DDHD2: variants seen among roughly 807,000 people sequenced by gnomAD.
DDHD2 encodes the protein triacylglycerol hydrolase DDHD2.
In DDHD2, 62 loss-of-function variants were observed where a neutral mutation model predicts 91.2. The observed-to-expected ratio is 0.68, with a 90% CI of 0.55 to 0.84. The LOEUF is 0.84. Among genes scored for constraint, DDHD2 ranks in the 40% least tolerant of loss-of-function variants. DDHD2 has a pLI of 0.00. For synonymous variants in DDHD2, 271 were observed against 293.9 expected (o/e 0.92, Z 0.80); for missense variants, 740 against 846.9 (o/e 0.87, Z 1.57).
Position 38,268,623 on chromosome 8 carries a change from C to G in DDHD2, n.88-2499C>G, listed in dbSNP as rs1203771371. 3.5e-6 allele frequency: 5 copies of G among 1,440,874 alleles called. No individual in the cohort carries two copies. The Admixed American group carries it at 8.3e-5, about 24-fold the overall frequency. The allele number at this position is 1,440,874 out of a possible 1,614,324, so 89.3% of individuals were successfully genotyped here. ...GCAGCGCCACCAGTGAACAGCAGCGCCCGTGCGGCTCGGGCCCCGGTACCT... is the reference window on the plus strand; with the variant it reads ...GCAGCGCCACCAGTGAACAGCAGCGGCCGTGCGGCTCGGGCCCCGGTACCT... On this transcript the variant is annotated intron_variant and non_coding_transcript_variant, in intron 1 of 1. Transcript: ENST00000526071.
intron 11 of DDHD2, 21 bp from the exon 12 acceptor site, chr8:38,251,891 T>A: frequency 1.3e-6 from 2 of 1,581,032 alleles, no homozygotes; most frequent in Non-Finnish European, 1.7e-6. Flanking sequence ...CTTCTCCACA[T>A]AACTATTTTT....
chr8:38,267,171 CAA>C (rs1807750195), downstream of DDHD2: 2 of 1,604,254 alleles, frequency 1.2e-6, no homozygotes, highest in Middle Eastern at 1.9e-4. Context: ...ATTGTAGAAA[CAA>C]GAGTAGTCAG....
chr8:38,232,334 C>T (rs1019397677), intron 1 of DDHD2, among the ~76,000 whole-genome samples: 3 of 152,246 alleles, frequency 2.0e-5, no homozygotes, highest in African/African-American at 7.2e-5. Context: ...GTCAGAGCCG[C>T]CTCTGCGGGA....
Position 38,268,175 on chromosome 8 carries a change from T to C in DDHD2, n.88-2947T>C, listed in dbSNP as rs764734443. Reference sequence around the variant, plus strand: ...TCTGAGGTACAAATAACCCAGTGCATTTAGGCACAGGGCTGCCTGCCGTGT... The same window carrying C: ...TCTGAGGTACAAATAACCCAGTGCACTTAGGCACAGGGCTGCCTGCCGTGT... On this transcript the variant is annotated intron_variant and non_coding_transcript_variant, in intron 1 of 1. Coordinates refer to the DDHD2 transcript ENST00000526071. The C allele has an allele frequency of 3.2e-6, 4 of 1,237,146 alleles. No homozygotes were observed. The South Asian group carries it at 6.3e-5, about 19-fold the overall frequency. The allele number at this position is 1,237,146 out of a possible 1,614,324, so 76.6% of individuals were successfully genotyped here.
chr8:38,235,551 G>A (rs1368900503), intron 3 of DDHD2, among the ~76,000 whole-genome samples: 4 of 151,380 alleles, frequency 2.6e-5, no homozygotes, highest in South Asian at 2.1e-4. Context: ...GAGAAACCTC[G>A]TCTCTACTAA....
At chr8:38,267,334 CAA>C, downstream of DDHD2, 8 of 1,614,010 alleles carry the variant, frequency 5.0e-6, no homozygotes, top group Non-Finnish European at 5.9e-6. Context: ...CTGTACACAT[CAA>C]GTCAGAATGG....
rs897570563 is a variant in DDHD2, at chr8:38,261,417, C to G, written c.*844C>G. On this transcript the variant is annotated 3_prime_UTR_variant, in exon 18 of 18. Transcript: ENST00000397166. Reference sequence around the variant, plus strand: ...TGATGAACCTGAAATTGTGTAGCCTCTACAGGCTGCTGAGGTTCTAAATAA... The same window carrying G: ...TGATGAACCTGAAATTGTGTAGCCTGTACAGGCTGCTGAGGTTCTAAATAA... 7 of 152,202 alleles carry G rather than the reference C, an allele frequency of 4.6e-5. No homozygotes were observed. Among genetic ancestry groups the G allele is most frequent in the African/African-American group, 1.7e-4 (7 of 41,452 alleles). The allele number at this position is 152,202 out of a possible 1,614,324, so 9.4% of individuals were successfully genotyped here. A position where few individuals can be genotyped will look rare whatever the true frequency, so the allele number is the denominator to read the frequency against.
intron 1 of DDHD2, among the ~76,000 whole-genome samples, chr8:38,269,441 C>T (rs1407590226): frequency 2.0e-5 from 3 of 152,210 alleles, no homozygotes; most frequent in African/African-American, 4.8e-5. Flanking sequence ...GGTCGGCGTA[C>T]GGTCCATCAT....
chr8:38,249,742 GA>G lies in DDHD2; in HGVS notation c.1285del (p.Ile429PhefsTer3). On this transcript the variant is annotated frameshift_variant, in exon 11 of 18. Coordinates refer to ENST00000397166, the MANE Select transcript of DDHD2 (RefSeq NM_015214.3). LOFTEE classifies it high-confidence loss of function. ...ACAGACCGAGATCTTCAGGAAATAG[GA>G]ATTCCTTTAGGACCAAGAAAGAAGA... ...LCTDRDLQEI[G>X]IPLGPRKKIL... 1.9e-6 allele frequency: 3 copies of G among 1,611,822 alleles called. No individual in the cohort carries two copies. The highest frequency in any genetic ancestry group is 2.5e-6 in the Non-Finnish European group (3 of 1,178,582).
At chr8:38,237,991 G>C in intron 4 of DDHD2, 98 bp from the exon 5 acceptor site, 2 of 1,239,646 alleles carry the variant, frequency 1.6e-6, no homozygotes, top group Non-Finnish European at 2.2e-6. Flanking sequence ...AGATTTTACT[G>C]TGTGGTTTGA....
intron 16 of DDHD2, among the ~76,000 whole-genome samples, chr8:38,258,272 GA>G (rs1313701183): frequency 6.8e-6 from 1 of 146,320 alleles, no homozygotes; most frequent in Non-Finnish European, 1.5e-5. Flanking sequence ...TTTTTTTTGA[GA>G]CAGAGTCTTG....
Position 38,246,220 on chromosome 8 carries a change from ATTTTAC to A in DDHD2, c.1058-10_1058-5del, listed in dbSNP as rs1563306547. 6.3e-7 allele frequency: 1 copy of A among 1,581,558 alleles called. No individual in the cohort carries two copies. The highest frequency in any genetic ancestry group is 1.1e-5 in the South Asian group (1 of 89,200). On this transcript the variant is annotated splice_region_variant and splice_polypyrimidine_tract_variant and intron_variant, in intron 8 of 17. Coordinates refer to ENST00000397166, the MANE Select transcript of DDHD2 (RefSeq NM_015214.3). ...ATGCTTAGAAATTGTCCCTTCTTCT[ATTTTAC>A]TTATAGGTTCGCTTATATTGTTTGA... is the stretch of plus-strand genomic sequence containing the variant.
intron 11 of DDHD2, chr8:38,251,257 G>A (rs945316497): frequency 2.0e-5 from 3 of 152,216 alleles, no homozygotes; most frequent in African/African-American, 4.8e-5. Flanking sequence ...TGGCCAGGCT[G>A]GTCTTGAGCT....
At chr8:38,264,964 A>G (rs1469728452), downstream of DDHD2, 3 of 1,577,932 alleles carry the variant, frequency 1.9e-6, no homozygotes, top group Admixed American at 1.7e-5. Flanking sequence ...AGGAAGGAAT[A>G]AAGTATTTTA....
downstream of DDHD2, chr8:38,267,391 C>T (rs1350440984): frequency 6.2e-7 from 1 of 1,612,870 alleles, no homozygotes; most frequent in Non-Finnish European, 8.5e-7. Flanking sequence ...CTGGGCGTGG[C>T]CTGGAAGAAA....
chr8:38,253,827 C>G (rs1007635004), intron 16 of DDHD2, 109 bp downstream of exon 16: 3 of 1,174,128 alleles, frequency 2.6e-6, no homozygotes, highest in African/African-American at 3.1e-5. Flanking sequence ...GGCTTATAAT[C>G]TCAGCACTTT....
At chr8:38,254,630 A>G (rs1806368209) in intron 16 of DDHD2, among the ~76,000 whole-genome samples, 1 of 152,078 alleles carries the variant, frequency 6.6e-6, no homozygotes, top group South Asian at 2.1e-4. Context: ...TCTGCCTCCC[A>G]AAGTGCTGGA....
At chr8:38,232,744 A>C (rs1177602973) in intron 1 of DDHD2, among the ~76,000 whole-genome samples, 1 of 152,172 alleles carries the variant, frequency 6.6e-6, no homozygotes, top group Non-Finnish European at 1.5e-5. Context: ...GACTGAGTAA[A>C]ATTACCCAGT....
chr8:38,263,337 C>G (rs1807184170), downstream of DDHD2: 1 of 969,542 alleles, frequency 1.0e-6, no homozygotes, highest in South Asian at 4.8e-5. Context: ...ATCTGTCCTT[C>G]AGATGACGAT....
Sources: gnomAD v4.1 joint callset for allele counts (sites outside exome capture counted in the v4.1 genomes callset) on GRCh38, gnomAD v4.1.1 for gene constraint, MANE v1.5 for transcripts, NCBI Gene and HGNC (gene_info 2026-07-23, HGNC 2026-07-21) for gene names.